The following RGS7 variants were observed in gnomAD, a reference collection of about 807,000 sequenced individuals.
RGS7 encodes the protein regulator of G-protein signaling 7.
Under a neutral mutation model 81.1 loss-of-function variants are expected in RGS7, and 27 were observed. That is an observed-to-expected ratio of 0.33 (90% CI 0.25 to 0.46). The LOEUF (loss-of-function observed/expected upper bound fraction) is 0.46. Ranked by LOEUF, RGS7 falls within the 20% of genes least tolerant of loss-of-function variation. The probability of loss-of-function intolerance (pLI) is 1.00; values close to 1 mark genes in which losing one functional copy is unlikely to be tolerated. For missense variants in RGS7, 396 were observed against 607.4 expected, an observed-to-expected ratio of 0.65 and a Z score of 3.66; for synonymous variants, 208 against 207.7, an observed-to-expected ratio of 1.00 and a Z score of -0.01.
chr1:241,140,967 T>C (rs947229002), intron 2 of RGS7, among the ~76,000 whole-genome samples: 1 of 152,188 alleles, frequency 6.6e-6, no homozygotes, highest in African/African-American at 2.4e-5. Context: ...ACCCTCTACC[T>C]TGCTTTGTAC....
At chr1:241,024,689 C>G (rs1298305620) in intron 3 of RGS7, among the ~76,000 whole-genome samples, 2 of 152,070 alleles carry the variant, frequency 1.3e-5, no homozygotes, top group African/African-American at 4.8e-5. Flanking sequence ...CAGAAACTAA[C>G]AAACATAGGG....
chr1:240,901,867 A>T (rs1334725045), intron 6 of RGS7, among the ~76,000 whole-genome samples: 1 of 152,140 alleles, frequency 6.6e-6, no homozygotes, highest in African/African-American at 2.4e-5. Context: ...ATTTAAATTC[A>T]TTCTTCGTTT....
intron 4 of RGS7, among the ~76,000 whole-genome samples, chr1:240,970,502 G>A (rs1261047282): frequency 6.6e-6 from 1 of 152,048 alleles, no homozygotes; most frequent in Non-Finnish European, 1.5e-5. Context: ...AAAGAGTGTG[G>A]CTAGCTTCTA....
At chr1:241,098,954 G>T (rs1351855576) in intron 2 of RGS7, among the ~76,000 whole-genome samples, 192 bp from the exon 3 acceptor site, 1 of 152,130 alleles carries the variant, frequency 6.6e-6, no homozygotes, top group Non-Finnish European at 1.5e-5. Flanking sequence ...AAGAAAAACA[G>T]CCATGTTAGG....
At chr1:241,026,197 G>A (rs1295295427) in intron 3 of RGS7, among the ~76,000 whole-genome samples, 1 of 152,200 alleles carries the variant, frequency 6.6e-6, no homozygotes, top group Non-Finnish European at 1.5e-5. Flanking sequence ...GTGTCTAGTG[G>A]TGTGCCTCAC....
intron 2 of RGS7, among the ~76,000 whole-genome samples, chr1:241,218,421 A>G (rs2074700413): frequency 6.6e-6 from 1 of 152,216 alleles, no homozygotes; most frequent in South Asian, 2.1e-4. Context: ...ATTAACACAC[A>G]GTGCCTAACA....
At chr1:241,141,630 C>T (rs2067928568) in intron 2 of RGS7, among the ~76,000 whole-genome samples, 1 of 152,118 alleles carries the variant, frequency 6.6e-6, no homozygotes, top group Non-Finnish European at 1.5e-5. Flanking sequence ...CTCTTGAGAA[C>T]TCAGTATCAC....
At chr1:240,989,925 T>C (rs1361537653) in intron 3 of RGS7, among the ~76,000 whole-genome samples, 1 of 152,178 alleles carries the variant, frequency 6.6e-6, no homozygotes, top group Non-Finnish European at 1.5e-5. Context: ...TCCTTGCTCC[T>C]TTCTGGACAT....
At chr1:240,935,916 C>T (rs1676552238) in intron 5 of RGS7, among the ~76,000 whole-genome samples, 1 of 152,178 alleles carries the variant, frequency 6.6e-6, no homozygotes, top group Non-Finnish European at 1.5e-5. Context: ...ATCTGCTAAT[C>T]AGTTATTAAT....
chr1:241,270,339 T>C (rs939797951), intron 2 of RGS7, among the ~76,000 whole-genome samples: 25 of 152,166 alleles, frequency 1.6e-4, no homozygotes, highest in African/African-American at 5.5e-4. Flanking sequence ...TATTTTAAAA[T>C]TGGACCCAAG....
chr1:241,297,484 C>T (rs111849433), intron 2 of RGS7, among the ~76,000 whole-genome samples: 7 of 152,164 alleles, frequency 4.6e-5, no homozygotes, highest in Admixed American at 2.0e-4. Flanking sequence ...GGGGATGGGG[C>T]GGGGAAAATC....
intron 4 of RGS7, among the ~76,000 whole-genome samples, chr1:240,979,120 AAC>A (rs1684561062): frequency 6.6e-6 from 1 of 152,194 alleles, no homozygotes. Context: ...ATGCACAGGC[AAC>A]AAAACATTCT....
intron 2 of RGS7, among the ~76,000 whole-genome samples, chr1:241,259,858 T>C (rs1276331757): frequency 2.0e-5 from 3 of 151,624 alleles, no homozygotes; most frequent in African/African-American, 7.3e-5. Context: ...ATTGGCACAG[T>C]TTAAAATTAT....
At chr1:241,170,331 ACT>A (rs540904671) in intron 2 of RGS7, among the ~76,000 whole-genome samples, 1 of 151,770 alleles carries the variant, frequency 6.6e-6, no homozygotes, top group Non-Finnish European at 1.5e-5. Context: ...ATGTATGATA[ACT>A]CTTTAAAATT....
At chr1:240,874,223 T>C (rs1292503992) in intron 6 of RGS7, among the ~76,000 whole-genome samples, 1 of 152,182 alleles carries the variant, frequency 6.6e-6, no homozygotes, top group Non-Finnish European at 1.5e-5. Context: ...TTGCTGTTTA[T>C]AAACAAAACA....
At chr1:240,805,989 G>A in intron 15 of RGS7, 151 bp downstream of exon 15, 2 of 743,024 alleles carry the variant, frequency 2.7e-6, no homozygotes, top group East Asian at 5.4e-5. Flanking sequence ...ATGTGTCTTT[G>A]TTCCTTCCTA....
intron 3 of RGS7, among the ~76,000 whole-genome samples, chr1:241,031,174 T>A (rs1366908325): frequency 6.6e-6 from 1 of 152,226 alleles, no homozygotes; most frequent in African/African-American, 2.4e-5. Flanking sequence ...TATAGTCTTG[T>A]CTTCACACTG....
intron 6 of RGS7, among the ~76,000 whole-genome samples, chr1:240,912,185 T>G (rs916217669): frequency 3.4e-5 from 5 of 147,330 alleles, no homozygotes; most frequent in African/African-American, 9.9e-5. Context: ...AAAGATTTTC[T>G]GTGAGGGATT....
chr1:241,314,208 T>C lies in RGS7; in HGVS notation c.78+41491A>G, dbSNP rs992752571. On this transcript the variant is annotated intron_variant, in intron 2 of 18. Transcript: ENST00000440928. Reference sequence around the variant, plus strand: ...TAAAATGCTCTCAAACAGCATAACATGCAATGGAGAAATCTTTCGTGAAAG... The same window carrying C: ...TAAAATGCTCTCAAACAGCATAACACGCAATGGAGAAATCTTTCGTGAAAG... Among the ~76,000 whole-genome samples the C allele has an allele frequency of 4.6e-5, 7 of 152,196 alleles. 1 individual carries two copies. Among genetic ancestry groups the C allele is most frequent in the Admixed American group, 2.0e-4 (3 of 15,278 alleles).
Sources: gnomAD v4.1 joint callset for allele counts (sites outside exome capture counted in the v4.1 genomes callset) on GRCh38, gnomAD v4.1.1 for gene constraint, MANE v1.5 for transcripts, NCBI Gene and HGNC (gene_info 2026-07-23, HGNC 2026-07-21) for gene names.